SYNE2: variants seen among roughly 807,000 people sequenced by gnomAD.
The protein encoded by SYNE2 is spectrin repeat containing nuclear envelope protein 2.
SYNE2 carries 431 observed loss-of-function variants against 856.3 expected under a neutral mutation model. The observed-to-expected ratio is 0.50, with a 90% CI of 0.47 to 0.55. The LOEUF (loss-of-function observed/expected upper bound fraction) is 0.55. Ranked by LOEUF, SYNE2 falls within the 20% of genes least tolerant of loss-of-function variation. The pLI is 0.00. For synonymous variants in SYNE2, 2,923 were observed against 2,872.3 expected, an observed-to-expected ratio of 1.02 and a Z score of -0.56; for missense variants, 8,129 against 8,023.2, an observed-to-expected ratio of 1.01 and a Z score of -0.50.
chr14:64,083,609 C>T (rs984366343), intron 57 of SYNE2, among the ~76,000 whole-genome samples: 8 of 152,180 alleles, frequency 5.3e-5, no homozygotes, highest in African/African-American at 1.9e-4. Flanking sequence ...CCGATGTGTC[C>T]TAATCTCCTC....
At chr14:63,921,178 A>G (rs909010166) in intron 2 of SYNE2, among the ~76,000 whole-genome samples, 10 of 151,502 alleles carry the variant, frequency 6.6e-5, no homozygotes, top group African/African-American at 2.4e-4. Flanking sequence ...TGATAGAACC[A>G]TTTACTGAAA....
At chr14:63,939,873 A>G (rs907776763) in intron 2 of SYNE2, among the ~76,000 whole-genome samples, 4 of 152,208 alleles carry the variant, frequency 2.6e-5, no homozygotes. Flanking sequence ...CAGTTAATTC[A>G]GTGGCGATAT....
At chr14:63,974,800 A>G (rs1482013968) in intron 11 of SYNE2, among the ~76,000 whole-genome samples, 2 of 135,000 alleles carry the variant, frequency 1.5e-5, no homozygotes, top group Non-Finnish European at 3.1e-5. Flanking sequence ...ATATGTGTAT[A>G]TATGTGTATA....
At chr14:63,940,882 G>C (rs560434788) in intron 3 of SYNE2, among the ~76,000 whole-genome samples, 1 of 152,176 alleles carries the variant, frequency 6.6e-6, no homozygotes, top group South Asian at 2.1e-4. Context: ...AGAAAAAAAG[G>C]GACTTTTGTT....
At chr14:64,034,087 A>G (rs1168708193) in intron 45 of SYNE2, among the ~76,000 whole-genome samples, 1 of 152,222 alleles carries the variant, frequency 6.6e-6, no homozygotes, top group Non-Finnish European at 1.5e-5. Flanking sequence ...GATCAGATTT[A>G]TGCTTAGACT....
intron 9 of SYNE2, among the ~76,000 whole-genome samples, chr14:63,962,556 A>AT (rs2096334539): frequency 6.6e-6 from 1 of 152,190 alleles, no homozygotes; most frequent in African/African-American, 2.4e-5. Flanking sequence ...TGTGTGATTC[A>AT]TATAAATGAA....
chr14:64,167,320 G>A lies in SYNE2; in HGVS notation c.16693G>A (p.Val5565Met), dbSNP rs778378916. The change falls in exon 91 of 116, where the codon GTG becomes ATG. Residue 5565 changes from valine to methionine, a missense_variant. This residue lies in a region of SYNE2 where 5,410 missense variants were observed against 5,284.8 expected (regional missense o/e 1.02). Transcript: ENST00000555002. ...SLKLPLSDVA[V>M]KTLQNMNRQW... Reference sequence around the variant, plus strand: ...CAAGCTCCCACTTAGTGACGTAGCTGTGAAGACGTTACAAAATATGAACCG... The same window carrying A: ...CAAGCTCCCACTTAGTGACGTAGCTATGAAGACGTTACAAAATATGAACCG... 1 of 1,614,222 alleles carries A rather than the reference G, an allele frequency of 6.2e-7. No individual in the cohort carries two copies. The highest frequency in any genetic ancestry group is 2.2e-5 in the East Asian group (1 of 44,892).
intron 84 of SYNE2, among the ~76,000 whole-genome samples, chr14:64,151,710 C>T (rs781136869): frequency 3.9e-5 from 6 of 152,112 alleles, no homozygotes; most frequent in Non-Finnish European, 7.4e-5. Context: ...TGCAGAAGCG[C>T]GTCCCAAATT....
At chr14:64,119,031 A>G (rs760831628) in intron 66 of SYNE2, among the ~76,000 whole-genome samples, 1 of 152,180 alleles carries the variant, frequency 6.6e-6, no homozygotes, top group African/African-American at 2.4e-5. Flanking sequence ...ACAGACTACT[A>G]GAGGCACACT....
At chr14:63,765,955 T>C (rs964398277) in intron 1 of SYNE2, among the ~76,000 whole-genome samples, 1 of 152,106 alleles carries the variant, frequency 6.6e-6, no homozygotes, top group African/African-American at 2.4e-5. Flanking sequence ...CAGTGAACCA[T>C]GATTGTGCCA....
intron 113 of SYNE2, 69 bp downstream of exon 113, chr14:64,223,449 A>C: frequency 6.3e-7 from 1 of 1,575,632 alleles, no homozygotes; most frequent in Non-Finnish European, 8.7e-7. Context: ...GCAGTGTTGT[A>C]GCAATGCTCT....
chr14:64,156,287 A>G (rs1202252787), intron 85 of SYNE2, among the ~76,000 whole-genome samples: 2 of 152,154 alleles, frequency 1.3e-5, no homozygotes, highest in Non-Finnish European at 2.9e-5. Context: ...CTTGTGCAAC[A>G]TGAGCCATGG....
chr14:63,882,709 A>AAAACAAAC (rs376529672), intron 1 of SYNE2, among the ~76,000 whole-genome samples: 3 of 152,182 alleles, frequency 2.0e-5, no homozygotes, highest in Non-Finnish European at 4.4e-5. Flanking sequence ...CTATCTCAGA[A>AAAACAAAC]AAACAAACAA....
At chr14:64,089,210 A>G (rs914034102) in intron 58 of SYNE2, among the ~76,000 whole-genome samples, 2 of 151,930 alleles carry the variant, frequency 1.3e-5, no homozygotes, top group Non-Finnish European at 2.9e-5. Flanking sequence ...TACTAAAAAT[A>G]TAAAAATTAA....
chr14:64,098,890 C>A, intron 63 of SYNE2, 69 bp downstream of exon 63: 1 of 1,479,528 alleles, frequency 6.8e-7, no homozygotes, highest in Non-Finnish European at 9.4e-7. Context: ...ATGAAAAGAT[C>A]TTAAAGTGAA....
chr14:64,222,026 T>C (rs17101723), intron 112 of SYNE2, among the ~76,000 whole-genome samples: 2,644 of 152,314 alleles, frequency 0.017, 85 homozygotes, highest in African/African-American at 0.06. Context: ...GGGAGAAATA[T>C]GGTGCTCATT....
intron 23 of SYNE2, among the ~76,000 whole-genome samples, chr14:63,996,376 C>A (rs561719941): frequency 6.6e-6 from 1 of 152,286 alleles, no homozygotes; most frequent in East Asian, 1.9e-4. Context: ...TCCTTTTGAG[C>A]CACAAATCCT....
chr14:63,843,859 G>A (rs1595166621), intron 1 of SYNE2, among the ~76,000 whole-genome samples: 2 of 152,178 alleles, frequency 1.3e-5, no homozygotes, highest in South Asian at 4.1e-4. Flanking sequence ...TTTTTAAAAT[G>A]TCGACAATTT....
intron 98 of SYNE2, 108 bp from the exon 99 acceptor site, chr14:64,189,963 A>ATTT: frequency 1.0e-6 from 1 of 981,816 alleles, no homozygotes; most frequent in Non-Finnish European, 1.5e-6. Context: ...ATGCCTGGCC[A>ATTT]ATTTTTTTTT....
Sources: gnomAD v4.1 joint callset for allele counts (sites outside exome capture counted in the v4.1 genomes callset) on GRCh38, gnomAD v4.1.1 for gene constraint, gnomAD v4.1.1 regional missense constraint, MANE v1.5 for transcripts, NCBI Gene and HGNC (gene_info 2026-07-23, HGNC 2026-07-21) for gene names.